The following PARD6G variants were observed in gnomAD, a reference collection of about 807,000 sequenced individuals.
The protein encoded by PARD6G is partitioning defective 6 homolog gamma.
Under a neutral mutation model 10.7 loss-of-function variants are expected in PARD6G, and 7 were observed. That is an observed-to-expected ratio of 0.66 (90% CI 0.37 to 1.23). PARD6G has a LOEUF of 1.23. Among genes scored for constraint, PARD6G ranks in the 50% most tolerant of loss-of-function variants. PARD6G has a pLI of 0.02. For synonymous variants in PARD6G, 287 were observed against 269.4 expected (o/e 1.07, Z -0.64); for missense variants, 548 against 571.8 (o/e 0.96, Z 0.42).
rs543606222 is a variant in PARD6G, at chr18:80,228,406, C to T, written c.72+18871G>A. Among the ~76,000 whole-genome samples, 243 of 152,284 alleles carry T rather than the reference C, an allele frequency of 1.6e-3. 1 individual carries two copies. Among genetic ancestry groups the T allele is most frequent in the African/African-American group, 5.6e-3 (234 of 41,560 alleles). On this transcript the variant is annotated intron_variant, in intron 1 of 2. Coordinates refer to ENST00000353265, the MANE Select transcript of PARD6G (RefSeq NM_032510.4). The surrounding 1 kb of genome is among the most constrained non-coding windows in gnomAD (Gnocchi z 4.6). ...GTCCCTCTACATTGACCCCCAGCCT[C>T]CTCAATCAGCTCTGCTGGGTGAGTC... is the stretch of plus-strand genomic sequence containing the variant.
At chr18:80,176,785 G>A (rs529306539) in intron 2 of PARD6G, among the ~76,000 whole-genome samples, 6 of 152,252 alleles carry the variant, frequency 3.9e-5, no homozygotes, top group Admixed American at 1.3e-4. Context: ...CTGGTGCCGC[G>A]GCGGCCACAG....
intron 1 of PARD6G, among the ~76,000 whole-genome samples, chr18:80,206,487 G>A (rs1451231381): frequency 6.6e-6 from 1 of 152,132 alleles, no homozygotes; most frequent in Non-Finnish European, 1.5e-5. Context: ...TAATGACCAG[G>A]CAATAAACCT....
At chr18:80,244,605 T>C (rs1316779291) in intron 1 of PARD6G, among the ~76,000 whole-genome samples, 1 of 152,196 alleles carries the variant, frequency 6.6e-6, no homozygotes, top group African/African-American at 2.4e-5. Flanking sequence ...GCATTTCATC[T>C]TGATAGGTAA....
At chr18:80,202,683 C>T (rs765216584) in intron 2 of PARD6G, 27 bp downstream of exon 2, 15 of 1,585,222 alleles carry the variant, frequency 9.5e-6, no homozygotes, top group African/African-American at 1.3e-5. Flanking sequence ...TCAACAAGAC[C>T]AGCCGGCCAC....
chr18:80,225,749 C>T (rs542058866), intron 1 of PARD6G, among the ~76,000 whole-genome samples: 46 of 152,280 alleles, frequency 3.0e-4, no homozygotes, highest in African/African-American at 1.1e-3. Context: ...GGAAAGTAGC[C>T]ATCCTGGGGA....
intron 1 of PARD6G, among the ~76,000 whole-genome samples, chr18:80,233,303 G>A (rs1440042524): frequency 6.6e-6 from 1 of 152,256 alleles, no homozygotes; most frequent in South Asian, 2.1e-4. Flanking sequence ...ATGTGCCACC[G>A]CATAGCCGGT....
chr18:80,178,469 C>G (rs144630943), intron 2 of PARD6G: 1 of 152,538 alleles, frequency 6.6e-6, no homozygotes, highest in East Asian at 1.9e-4. Context: ...TGCCTGCATG[C>G]TGAGAACCCA....
rs2052802748 is a variant in PARD6G, at chr18:80,175,452, C to T, written c.296-14846G>A. On this transcript the variant is annotated intron_variant, in intron 2 of 2. Coordinates refer to ENST00000353265, the MANE Select transcript of PARD6G (RefSeq NM_032510.4). The surrounding 1 kb of genome is among the most constrained non-coding windows in gnomAD (Gnocchi z 6.7). ...AGGGAGACCGAGATCTCTGGTGCCTCCTCCTCTGCTTACGACACAGTCTGA... is the reference window on the plus strand; with the variant it reads ...AGGGAGACCGAGATCTCTGGTGCCTTCTCCTCTGCTTACGACACAGTCTGA... Among the ~76,000 whole-genome samples the T allele has an allele frequency of 6.6e-6, 1 of 152,188 alleles. No homozygotes were observed. Among genetic ancestry groups the T allele is most frequent in the African/African-American group, 2.4e-5 (1 of 41,452 alleles).
intron 1 of PARD6G, among the ~76,000 whole-genome samples, chr18:80,229,325 C>T (rs1330764741): frequency 6.6e-6 from 1 of 152,192 alleles, no homozygotes; most frequent in Non-Finnish European, 1.5e-5. Context: ...AACACAACAC[C>T]GAATCTGCAG....
Position 80,247,434 on chromosome 18 carries a change from G to GC in PARD6G, c.-87dup, listed in dbSNP as rs958060400. 5 of 951,584 alleles carry GC rather than the reference G, an allele frequency of 5.3e-6. No homozygotes were observed. In the African/African-American group the frequency reaches 8.9e-5, roughly 17 times the overall value. 58.9% of individuals were successfully genotyped at this position (951,584 alleles called of 1,614,324 possible). A position where few individuals can be genotyped will look rare whatever the true frequency, so the allele number is the denominator to read the frequency against. On this transcript the variant is annotated 5_prime_UTR_variant, in exon 1 of 3. Coordinates refer to ENST00000353265, the MANE Select transcript of PARD6G (RefSeq NM_032510.4). The surrounding 1 kb of genome is among the most constrained non-coding windows in gnomAD (Gnocchi z 4.2). ...CCGGGGGCGGCGCCCCCAGGCCCCG[G>GC]CCCCGGCCCCGGCCCGCGCTCGCTT...
At chr18:80,233,150 T>C (rs1335228736) in intron 1 of PARD6G, among the ~76,000 whole-genome samples, 1 of 152,248 alleles carries the variant, frequency 6.6e-6, no homozygotes, top group East Asian at 1.9e-4. Context: ...TGATGTCTGC[T>C]GCTCCTGTCC....
At position 80,239,696 on chromosome 18, in the gene PARD6G, C is replaced by G. The variant is rs180864128; in HGVS notation, c.72+7581G>C. 1.1e-4 allele frequency among the ~76,000 whole-genome samples: 16 copies of G among 152,306 alleles called. No individual in the cohort carries two copies. The East Asian group carries it at 3.1e-3, about 29-fold the overall frequency. On this transcript the variant is annotated intron_variant, in intron 1 of 2. Transcript: ENST00000353265. The stretch of plus-strand genomic sequence containing the variant: ...ACAGCAACAGAAATAGCTATGTGGG[C>G]TTTTAATTTCCAAAGTACCTCACCT...
In PARD6G at chr18:80,202,709, C is replaced by T. The variant is rs751219686; in HGVS notation, c.295+1G>A. On this transcript the variant is annotated splice_donor_variant, in intron 2 of 2. Transcript: ENST00000353265. LOFTEE classifies it high-confidence loss of function. ...AGCCGGCCACTCAACCACTTCAGTA[C>T]CTCGTTTCTGGATGAAGACCCTGAG... is the stretch of plus-strand genomic sequence containing the variant. The T allele has an allele frequency of 1.9e-6, 3 of 1,612,034 alleles. No individual in the cohort carries two copies. Among genetic ancestry groups the T allele is most frequent in the Non-Finnish European group, 2.5e-6 (3 of 1,179,568 alleles).
At chr18:80,195,810 C>T (rs934125957) in intron 2 of PARD6G, among the ~76,000 whole-genome samples, 2 of 149,904 alleles carry the variant, frequency 1.3e-5, no homozygotes, top group South Asian at 4.2e-4. Context: ...GGGAGGTGGC[C>T]GTGTCAGTGA....
At chr18:80,187,049 A>T (rs1480155728) in intron 2 of PARD6G, among the ~76,000 whole-genome samples, 1 of 151,302 alleles carries the variant, frequency 6.6e-6, no homozygotes, top group African/African-American at 2.4e-5. Flanking sequence ...CAGTGAGCCG[A>T]TTGCGCCACT....
intron 2 of PARD6G, among the ~76,000 whole-genome samples, chr18:80,165,162 AC>A (rs756408211): frequency 6.6e-6 from 1 of 152,180 alleles, no homozygotes; most frequent in African/African-American, 2.4e-5. Context: ...TCTGCAGGAG[AC>A]CAGGGCGTAT....
chr18:80,232,156 G>C lies in PARD6G; in HGVS notation c.72+15121C>G, dbSNP rs558545999. 5.3e-5 allele frequency among the ~76,000 whole-genome samples: 8 copies of C among 152,048 alleles called. No individual in the cohort carries two copies. In the South Asian group the frequency reaches 1.7e-3, roughly 32 times the overall value. On this transcript the variant is annotated intron_variant, in intron 1 of 2. Coordinates refer to ENST00000353265, the MANE Select transcript of PARD6G (RefSeq NM_032510.4). ...GCCAGCAGCTCTGGGTGGAGATAAA[G>C]AGTGGTAGGTTCTGCCCCCGCCCCC...
At position 80,192,066 on chromosome 18, in the gene PARD6G, G is replaced by A. The variant is rs761967139; in HGVS notation, c.295+10644C>T. On this transcript the variant is annotated intron_variant, in intron 2 of 2. Transcript: ENST00000353265. This position sits in a 1 kb window ranked among gnomAD's most constrained non-coding sequence, Gnocchi z 4.9. ...AAACGTGTACTTTCATGTTTTCAAT[G>A]TACAAGAAGGTCAGCGTTAACCACA... is the stretch of plus-strand genomic sequence containing the variant. Among the ~76,000 whole-genome samples, 7 of 152,186 alleles carry A rather than the reference G, an allele frequency of 4.6e-5. No individual in the cohort carries two copies. The highest frequency in any genetic ancestry group is 7.3e-5 in the Non-Finnish European group (5 of 68,028).
chr18:80,158,920 G>GAATT lies in PARD6G; in HGVS notation c.*847_*850dup, dbSNP rs753548483. The GAATT allele has an allele frequency of 2.0e-5, 3 of 152,024 alleles. No individual in the cohort carries two copies. Among genetic ancestry groups the GAATT allele is most frequent in the Non-Finnish European group, 4.4e-5 (3 of 68,014 alleles). 9.4% of individuals were successfully genotyped at this position (152,024 alleles called of 1,614,324 possible). On this transcript the variant is annotated 3_prime_UTR_variant, in exon 3 of 3. Coordinates refer to ENST00000353265, the MANE Select transcript of PARD6G (RefSeq NM_032510.4). Reference sequence around the variant, plus strand: ...TGGTGGGAGCTCTCCTGTCCCAACCGAATTATGACTATGAACAGTGTGAAA... The same window carrying GAATT: ...TGGTGGGAGCTCTCCTGTCCCAACCGAATTAATTATGACTATGAACAGTGTGAAA...
Sources: gnomAD v4.1 joint callset for allele counts (sites outside exome capture counted in the v4.1 genomes callset) on GRCh38, gnomAD v4.1.1 for gene constraint, Gnocchi (gnomAD v3.1) non-coding constraint, MANE v1.5 for transcripts, NCBI Gene and HGNC (gene_info 2026-07-23, HGNC 2026-07-21) for gene names.